Variants in TMEM255A observed in about 807,000 individuals in gnomAD.
The protein encoded by TMEM255A is transmembrane protein 255A.
Under a neutral mutation model 23.5 loss-of-function variants are expected in TMEM255A, and 14 were observed. The ratio of observed to expected loss-of-function variants is 0.60; its 90% CI spans 0.39 to 0.93. TMEM255A has a LOEUF of 0.93. TMEM255A is among the 40% of genes least tolerant of loss of function. TMEM255A has a pLI of 0.00. For missense variants in TMEM255A, 233 were observed against 261.7 expected (o/e 0.89, Z 0.76); for synonymous variants, 104 against 100.3 (o/e 1.04, Z -0.22).
At chrX:120,277,348 T>G (rs2057806292) in intron 6 of TMEM255A, among the ~76,000 whole-genome samples, 1 of 112,580 alleles carries the variant, frequency 8.9e-6, no homozygotes, top group African/African-American at 3.2e-5. Context: ...GCTAAGCATT[T>G]CACATGTGTG....
At chrX:120,254,148 C>T (rs372091616), downstream of TMEM255A, 2 of 1,209,547 alleles carry the variant, frequency 1.7e-6, no homozygotes, top group East Asian at 3.0e-5. Context: ...AAATATCACA[C>T]CTACTCAGAA....
chrX:120,287,955 C>T (rs1029746436), intron 4 of TMEM255A, among the ~76,000 whole-genome samples: 1 of 111,405 alleles, frequency 9.0e-6, no homozygotes, highest in African/African-American at 3.3e-5. Context: ...AACCAATAGA[C>T]ACAAGCCAGG....
intron 2 of TMEM255A, among the ~76,000 whole-genome samples, chrX:120,296,868 T>TATAATATTATA (rs1376684600): frequency 4.1e-4 from 1 of 2,454 alleles, no homozygotes; most frequent in Admixed American, 0.014. Context: ...ATATAATATA[T>TATAATATTATA]TATATATCAT....
At chrX:120,309,318 G>C (rs1397202386) in intron 1 of TMEM255A, among the ~76,000 whole-genome samples, 2 of 113,358 alleles carry the variant, frequency 1.8e-5, no homozygotes, top group African/African-American at 6.4e-5. Context: ...AGCCCACTCA[G>C]CTGTTTGTTG....
intron 1 of TMEM255A, 148 bp downstream of exon 1, chrX:120,311,104 C>G (rs2058098300): frequency 1.9e-6 from 1 of 534,882 alleles, no homozygotes; most frequent in Admixed American, 3.1e-5. Context: ...CTCTGGTCCA[C>G]CACCCAGACG....
At chrX:120,287,951 TAGACACAAGCC>T (rs1302014164) in intron 4 of TMEM255A, among the ~76,000 whole-genome samples, 3 of 111,198 alleles carry the variant, frequency 2.7e-5, no homozygotes, top group Non-Finnish European at 5.7e-5. Flanking sequence ...GTAGAACCAA[TAGACACAAGCC>T]AGGGCTGCCT....
rs982024602 is a variant in TMEM255A at position 120,259,612 on chromosome X, A to C, written c.*1258T>G. ...GGATTATCAATCTTCCTTTAAATCAATTCTCAGGTTAACATAAGATCACAA... is the reference window on the plus strand; with the variant it reads ...GGATTATCAATCTTCCTTTAAATCACTTCTCAGGTTAACATAAGATCACAA... On this transcript the variant is annotated 3_prime_UTR_variant, in exon 9 of 9. Transcript: ENST00000371369. 2 of 112,067 alleles carry C rather than the reference A, an allele frequency of 1.8e-5. No homozygotes were observed. Among genetic ancestry groups the C allele is most frequent in the Admixed American group, 1.9e-4 (2 of 10,513 alleles). The allele number at this position is 112,067 out of a possible 1,213,427, so 9.2% of individuals were successfully genotyped here.
chrX:120,261,062 G>A (rs1333563848), intron 8 of TMEM255A, 34 bp from the exon 9 acceptor site: 5 of 1,176,031 alleles, frequency 4.3e-6, no homozygotes, highest in Non-Finnish European at 4.5e-6. Context: ...AGTTTAGGCA[G>A]TGAGTTTGCA....
chrX:120,285,225 T>C lies in TMEM255A; in HGVS notation c.424-10A>G, dbSNP rs782156653. Reference sequence around the variant, plus strand: ...GGTGAGGGCAGTTAACCTGACGGTATATAACAGTGAGGAGATGAGCTGGCA... The same window carrying C: ...GGTGAGGGCAGTTAACCTGACGGTACATAACAGTGAGGAGATGAGCTGGCA... On this transcript the variant is annotated splice_polypyrimidine_tract_variant and intron_variant, in intron 5 of 8. Coordinates refer to ENST00000371369, the MANE Select transcript of TMEM255A (RefSeq NM_001104544.3). 5.9e-6 allele frequency: 7 copies of C among 1,192,926 alleles called. No individual in the cohort carries two copies. The South Asian group carries it at 1.2e-4, about 21-fold the overall frequency.
chrX:120,287,018 G>T, intron 5 of TMEM255A, 136 bp downstream of exon 5: 1 of 560,859 alleles, frequency 1.8e-6, no homozygotes, highest in South Asian at 2.6e-5. Context: ...AATGTGCTCT[G>T]ACCCACTGAA....
At chrX:120,251,933 C>T in the TMEM255A span, among the ~76,000 whole-genome samples, 1 of 112,574 alleles carries the variant, frequency 8.9e-6, no homozygotes, top group African/African-American at 3.2e-5. Flanking sequence ...TTTCAGAAAA[C>T]CTGTCTTTCC....
downstream of TMEM255A, chrX:120,256,802 T>G (rs782280380): frequency 9.0e-5 from 11 of 121,958 alleles, no homozygotes; most frequent in South Asian, 4.2e-3. Context: ...TTTTTTTTTT[T>G]GCAAAGGAAA....
intron 1 of TMEM255A, among the ~76,000 whole-genome samples, chrX:120,309,387 G>T (rs891251121): frequency 8.0e-5 from 9 of 113,157 alleles, no homozygotes; most frequent in African/African-American, 2.9e-4. Flanking sequence ...AAGAAAGAAA[G>T]CTCTTCATCT....
At chrX:120,296,800 G>C (rs1231255679) in intron 2 of TMEM255A, among the ~76,000 whole-genome samples, 1 of 3,642 alleles carries the variant, frequency 2.7e-4, no homozygotes, top group South Asian at 0.012. Context: ...TAATATATAT[G>C]ATATATAATA....
downstream of TMEM255A, chrX:120,256,257 T>G (rs1394327810): frequency 8.1e-6 from 1 of 123,359 alleles, no homozygotes; most frequent in Non-Finnish European, 1.9e-5. Context: ...TTTTGGCTTC[T>G]TAAGGTTAAA....
intron 6 of TMEM255A, among the ~76,000 whole-genome samples, chrX:120,279,603 C>T (rs1420558875): frequency 8.9e-6 from 1 of 112,359 alleles, no homozygotes; most frequent in Non-Finnish European, 1.9e-5. Context: ...CAAGGGTGGA[C>T]TAGTAGTATA....
At chrX:120,311,133 C>G in intron 1 of TMEM255A, 119 bp downstream of exon 1, 1 of 673,066 alleles carries the variant, frequency 1.5e-6, no homozygotes. Context: ...CGAAGACCAC[C>G]CCATCCATGC....
rs183718397 is a variant in TMEM255A at position 120,280,853 on chromosome X, C to T, written c.513-3806G>A. On this transcript the variant is annotated intron_variant, in intron 6 of 8. Coordinates refer to ENST00000371369, the MANE Select transcript of TMEM255A (RefSeq NM_001104544.3). ...ATTCCAAACCTTTGCTCAGATTTCT[C>T]CCCCTGCATTGAAGGTATTGCTTTC... is the stretch of plus-strand genomic sequence containing the variant. 2.4e-3 allele frequency among the ~76,000 whole-genome samples: 267 copies of T among 109,795 alleles called. 1 individual carries two copies. Among genetic ancestry groups the T allele is most frequent in the Middle Eastern group, 9.3e-3 (2 of 216 alleles).
chrX:120,259,501 A>G lies in TMEM255A; in HGVS notation c.*1369T>C, dbSNP rs2057661589. On this transcript the variant is annotated 3_prime_UTR_variant, in exon 9 of 9. Transcript: ENST00000371369. ...TGGGAGGTAGCAAAATTGGCCGGAA[A>G]ATTTTCCAGTGTGTGTTCTGTGTTT... The G allele has an allele frequency of 8.9e-6, 1 of 111,889 alleles. No individual in the cohort carries two copies. The allele number at this position is 111,889 out of a possible 1,213,427, so 9.2% of individuals were successfully genotyped here.
Sources: gnomAD v4.1 joint callset for allele counts (sites outside exome capture counted in the v4.1 genomes callset) on GRCh38, gnomAD v4.1.1 for gene constraint, MANE v1.5 for transcripts, NCBI Gene and HGNC (gene_info 2026-07-23, HGNC 2026-07-21) for gene names.